CHD9: variants seen among roughly 807,000 people sequenced by gnomAD.
CHD9 encodes the protein ATP-dependent chromatin remodeler CHD9.
In CHD9, 77 loss-of-function variants were observed where a neutral mutation model predicts 316.1. That is an observed-to-expected ratio of 0.24 (90% CI 0.20 to 0.29). The LOEUF (loss-of-function observed/expected upper bound fraction) is 0.29. Among genes scored for constraint, CHD9 ranks in the 10% least tolerant of loss-of-function variants. CHD9 has a pLI of 1.00. For synonymous variants in CHD9, 1,129 were observed against 1,158.3 expected, an observed-to-expected ratio of 0.97 and a Z score of 0.51; for missense variants, 2,763 against 3,438.1, an observed-to-expected ratio of 0.80 and a Z score of 4.91.
chr16:53,286,193 C>G (rs776743658), intron 25 of CHD9, 33 bp from the exon 26 acceptor site: 1 of 1,290,534 alleles, frequency 7.7e-7, no homozygotes, highest in South Asian at 1.2e-5. Context: ...TTCTTTTTAT[C>G]TTTTTTACTT....
chr16:53,176,074 C>T lies in CHD9; in HGVS notation c.1452+18533C>T, dbSNP rs142602835. ...TATCACAAACTTAGGTGTCTTAGAA[C>T]AACACATATTTATTATCTTACAGTT... On this transcript the variant is annotated intron_variant, in intron 2 of 38. Coordinates refer to ENST00000447540, the MANE Select transcript of CHD9 (RefSeq NM_001308319.2). Among the ~76,000 whole-genome samples, 4 of 152,312 alleles carry T rather than the reference C, an allele frequency of 2.6e-5. No individual in the cohort carries two copies. The East Asian group carries it at 7.7e-4, about 29-fold the overall frequency.
At chr16:53,148,161 C>T (rs377663115) in intron 1 of CHD9, among the ~76,000 whole-genome samples, 35 of 152,250 alleles carry the variant, frequency 2.3e-4, no homozygotes, top group African/African-American at 6.3e-4. Flanking sequence ...GAGCCAAGAT[C>T]GCACTGTTGC....
chr16:53,304,468 T>C lies in CHD9; in HGVS notation c.6462T>C (p.Ser2154=), dbSNP rs1439702729. The C allele has an allele frequency of 1.9e-6, 3 of 1,567,078 alleles. No individual in the cohort carries two copies. The highest frequency in any genetic ancestry group is 1.4e-5 in the African/African-American group (1 of 73,580). ...SSRSSSSSSS[S]SCSHSRSGSS... ...GATCATCTTCTTCCTCATCATCCTC[T>C]TCTTGCTCCCACTCTCGATCAGGCT... The change falls in exon 31 of 39, where the codon TCT becomes TCC. Residue 2154 remains serine (S), a synonymous_variant. Transcript: ENST00000447540.
chr16:53,081,614 G>A (rs892083087), intron 1 of CHD9, among the ~76,000 whole-genome samples: 11 of 152,100 alleles, frequency 7.2e-5, no homozygotes, highest in Non-Finnish European at 1.6e-4. Flanking sequence ...TCAAGTTGGG[G>A]GTTTGCCCTG....
intron 1 of CHD9, among the ~76,000 whole-genome samples, chr16:53,110,759 C>T (rs2037802742): frequency 6.6e-6 from 1 of 152,058 alleles, no homozygotes. Flanking sequence ...GACTCCATCT[C>T]AAAAAATAAA....
chr16:53,107,843 C>T (rs1441528454), intron 1 of CHD9, among the ~76,000 whole-genome samples: 1 of 152,102 alleles, frequency 6.6e-6, no homozygotes, highest in Non-Finnish European at 1.5e-5. Context: ...AAATTCTTAT[C>T]CCCTGAAGCT....
chr16:53,208,555 TC>T (rs2046069789), intron 2 of CHD9: 1 of 1,031,990 alleles, frequency 9.7e-7, no homozygotes, highest in Non-Finnish European at 1.2e-6. Context: ...TTCTAAACCC[TC>T]CTTCCTTTCC....
intron 11 of CHD9, among the ~76,000 whole-genome samples, chr16:53,237,976 G>A (rs1156845656): frequency 3.3e-5 from 5 of 152,064 alleles, no homozygotes; most frequent in African/African-American, 1.2e-4. Context: ...ACACACCCCT[G>A]AAAGGCAGAG....
intron 5 of CHD9, chr16:53,227,054 G>A: frequency 8.8e-6 from 2 of 227,444 alleles, no homozygotes; most frequent in South Asian, 5.6e-5. Context: ...TGAGTACCTT[G>A]GGCAAGTACT....
intron 2 of CHD9, among the ~76,000 whole-genome samples, chr16:53,182,064 G>A (rs1230098046): frequency 1.3e-5 from 2 of 152,148 alleles, no homozygotes; most frequent in Admixed American, 6.5e-5. Context: ...GGGCAACAGA[G>A]CAAAACTCCA....
rs779659439 is a variant in CHD9, at chr16:53,228,986, C to T, written c.2172C>T (p.Ser724=). The T allele has an allele frequency of 2.7e-6, 4 of 1,504,286 alleles. No homozygotes were observed. 93.2% of individuals were successfully genotyped at this position (1,504,286 alleles called of 1,614,324 possible). The change falls in exon 8 of 39, where the codon TCC becomes TCT. Residue 724 remains serine, a synonymous_variant. Transcript: ENST00000447540. ...ATTATTTTTATAAAAATTTTAGCTC[C>T]TATCTTCACTGTGAGTGGGCCACAG... The part of the protein sequence containing the change: ...EEFFVKYKNY[S]YLHCEWATEE...
chr16:53,280,542 C>T (rs1302904391), intron 24 of CHD9, among the ~76,000 whole-genome samples: 1 of 151,776 alleles, frequency 6.6e-6, no homozygotes, highest in Non-Finnish European at 1.5e-5. Flanking sequence ...GAAGGGGGTT[C>T]GGGATAAAAG....
At chr16:53,262,125 T>C (rs2051199812) in intron 19 of CHD9, among the ~76,000 whole-genome samples, 2 of 152,200 alleles carry the variant, frequency 1.3e-5, no homozygotes, top group African/African-American at 4.8e-5. Flanking sequence ...TGAAAATCGT[T>C]TTATGTGACC....
intron 3 of CHD9, among the ~76,000 whole-genome samples, chr16:53,222,222 G>A (rs1157884211): frequency 2.6e-5 from 4 of 152,056 alleles, no homozygotes; most frequent in South Asian, 2.1e-4. Flanking sequence ...GATTACAGAT[G>A]CCTGCCACCA....
intron 7 of CHD9, among the ~76,000 whole-genome samples, chr16:53,228,080 G>A (rs1004340040): frequency 8.0e-5 from 12 of 149,548 alleles, no homozygotes; most frequent in Non-Finnish European, 1.2e-4. Flanking sequence ...GCGAGACTCC[G>A]TCTCAAAAAA....
intron 17 of CHD9, among the ~76,000 whole-genome samples, chr16:53,251,966 C>A (rs1345338): frequency 0.31 from 47,768 of 151,844 alleles, 7,697 homozygotes; most frequent in Middle Eastern, 0.39. Flanking sequence ...TGTGAAAATG[C>A]CCATACTGCC....
At chr16:53,269,463 A>G (rs1329072543) in intron 22 of CHD9, among the ~76,000 whole-genome samples, 1 of 152,218 alleles carries the variant, frequency 6.6e-6, no homozygotes, top group Non-Finnish European at 1.5e-5. Flanking sequence ...AAGAATGTAC[A>G]TTAGTTATAG....
In CHD9 at chr16:53,324,269, G is replaced by T; in HGVS notation, c.8068G>T (p.Gly2690Trp). 2 of 1,613,988 alleles carry T rather than the reference G, an allele frequency of 1.2e-6. No homozygotes were observed. Among genetic ancestry groups the T allele is most frequent in the Non-Finnish European group, 1.7e-6 (2 of 1,179,876 alleles). Reference sequence around the variant, plus strand: ...CTTGCAGTCACTGCAAGTAACTGCTGGGTTGATGGGAATGCCTACCGGCCT... The same window carrying T: ...CTTGCAGTCACTGCAAGTAACTGCTTGGTTGATGGGAATGCCTACCGGCCT... ...QNLQSLQVTA[G>W]LMGMPTGLPS... The change falls in exon 39 of 39, where the codon GGG (glycine) becomes TGG (tryptophan). Residue 2690 changes from glycine to tryptophan, a missense_variant. This residue lies in a region of CHD9 where 298 missense variants were observed against 380.2 expected (regional missense o/e 0.78). Transcript: ENST00000447540.
intron 1 of CHD9, among the ~76,000 whole-genome samples, chr16:53,153,090 G>T (rs905621793): frequency 2.0e-5 from 3 of 152,154 alleles, no homozygotes; most frequent in Non-Finnish European, 4.4e-5. Context: ...CGTGAAAAAC[G>T]ACCCTTGTAT....
Sources: allele counts gnomAD v4.1 joint callset (sites outside exome capture counted in the v4.1 genomes callset), GRCh38; gene constraint gnomAD v4.1.1; regional missense constraint gnomAD v4.1.1; transcripts MANE v1.5; gene names NCBI Gene and HGNC (gene_info 2026-07-23, HGNC 2026-07-21).